The following ZNF804B variants were observed in gnomAD, a reference collection of about 807,000 sequenced individuals.
The protein encoded by ZNF804B is zinc finger 804B.
In ZNF804B, 80 loss-of-function variants were observed where a neutral mutation model predicts 101.4. The observed-to-expected ratio is 0.79, with a 90% CI of 0.66 to 0.95. ZNF804B has a LOEUF of 0.95. Among genes scored for constraint, ZNF804B ranks in the 40% least tolerant of loss-of-function variants. The pLI is 0.00. For missense variants in ZNF804B, 1,673 were observed against 1,561.9 expected (o/e 1.07, Z -1.20); for synonymous variants, 622 against 558.8 (o/e 1.11, Z -1.59).
At chr7:89,050,009 C>T (rs1789170379) in intron 1 of ZNF804B, among the ~76,000 whole-genome samples, 1 of 152,016 alleles carries the variant, frequency 6.6e-6, no homozygotes, top group African/African-American at 2.4e-5. Flanking sequence ...AAAACTCTGT[C>T]TCAAAACAAA....
At chr7:88,853,527 A>C (rs988893475) in intron 1 of ZNF804B, among the ~76,000 whole-genome samples, 1 of 152,134 alleles carries the variant, frequency 6.6e-6, no homozygotes, top group African/African-American at 2.4e-5. Flanking sequence ...TTATGCTAAC[A>C]TTGATTTTTC....
chr7:88,925,617 C>T (rs1205781671), intron 1 of ZNF804B, among the ~76,000 whole-genome samples: 1 of 152,026 alleles, frequency 6.6e-6, no homozygotes, highest in East Asian at 1.9e-4. Context: ...ATGAAGAATA[C>T]TAGGATATTA....
intron 2 of ZNF804B, among the ~76,000 whole-genome samples, chr7:89,274,905 C>G (rs369840813): frequency 4.0e-5 from 6 of 151,846 alleles, no homozygotes; most frequent in African/African-American, 1.5e-4. Context: ...TTCTTGGGCT[C>G]AAGCCATGGT....
intron 1 of ZNF804B, among the ~76,000 whole-genome samples, chr7:88,874,850 A>T (rs1343782366): frequency 6.6e-6 from 1 of 150,502 alleles, no homozygotes; most frequent in Non-Finnish European, 1.5e-5. Context: ...AATCAACAGA[A>T]TATACATTTT....
At position 88,796,370 on chromosome 7, in the gene ZNF804B, T is replaced by C. The variant is rs568087835; in HGVS notation, c.108+36286T>C. Among the ~76,000 whole-genome samples the C allele has an allele frequency of 2.6e-5, 4 of 152,262 alleles. No individual in the cohort carries two copies. In the East Asian group the frequency reaches 5.8e-4, roughly 22 times the overall value. ...AGGTGACTTAATAATTAATTAATTG[T>C]GTAATACATAAAAATGGACTATTCT... is the stretch of plus-strand genomic sequence containing the variant. On this transcript the variant is annotated intron_variant, in intron 1 of 3. Transcript: ENST00000333190.
At chr7:88,988,750 A>G (rs575889475) in intron 1 of ZNF804B, among the ~76,000 whole-genome samples, 1 of 152,290 alleles carries the variant, frequency 6.6e-6, no homozygotes, top group East Asian at 1.9e-4. Flanking sequence ...GATGAAGAAG[A>G]GTATCTCTAT....
At chr7:89,277,741 A>T (rs1208858) in intron 2 of ZNF804B, among the ~76,000 whole-genome samples, 1 of 151,104 alleles carries the variant, frequency 6.6e-6, no homozygotes, top group East Asian at 2.0e-4. Flanking sequence ...TCTTAATCCC[A>T]TCTATCATTT....
chr7:88,818,300 G>T (rs114802810), intron 1 of ZNF804B, among the ~76,000 whole-genome samples: 1 of 152,004 alleles, frequency 6.6e-6, no homozygotes, highest in Non-Finnish European at 1.5e-5. Flanking sequence ...CAAAAATCTC[G>T]AGTTGGCATA....
chr7:88,790,557 A>T (rs183314237), intron 1 of ZNF804B, among the ~76,000 whole-genome samples: 1 of 152,230 alleles, frequency 6.6e-6, no homozygotes, highest in East Asian at 1.9e-4. Context: ...TCTGCTAAGG[A>T]TAATGCCCTC....
intron 2 of ZNF804B, among the ~76,000 whole-genome samples, chr7:89,294,715 G>T (rs1790351932): frequency 6.6e-6 from 1 of 150,434 alleles, no homozygotes; most frequent in South Asian, 2.1e-4. Context: ...AAAATTTTAG[G>T]GCCTTAGTTT....
At chr7:89,000,788 ATGT>A (rs3060260) in intron 1 of ZNF804B, among the ~76,000 whole-genome samples, 76,954 of 150,400 alleles carry the variant, frequency 0.51, 20,568 homozygotes, top group Middle Eastern at 0.63. Context: ...CATTTCACTC[ATGT>A]TGTTGCAAAT....
Position 88,857,822 on chromosome 7 carries a change from C to CTTTTTTTTTTTTTTTT in ZNF804B, c.108+97752_108+97767dup. Among the ~76,000 whole-genome samples, 145 of 81,474 alleles carry CTTTTTTTTTTTTTTTT rather than the reference C, an allele frequency of 1.8e-3. 29 individuals carry two copies. Among genetic ancestry groups the CTTTTTTTTTTTTTTTT allele is most frequent in the African/African-American group, 6.5e-3 (123 of 18,870 alleles). The allele number at this position is 81,474 out of a possible 152,430, so 53.5% of individuals were successfully genotyped here. The stretch of plus-strand genomic sequence containing the variant: ...CTTTCTTTCTCCTTTCCTTTCTTTT[C>CTTTTTTTTTTTTTTTT]TTTTTTTTTTTTTTTTTTTTTTTTT... On this transcript the variant is annotated intron_variant, in intron 1 of 3. Coordinates refer to ENST00000333190, the MANE Select transcript of ZNF804B (RefSeq NM_181646.5).
intron 1 of ZNF804B, among the ~76,000 whole-genome samples, chr7:88,919,555 C>G (rs1207517243): frequency 6.6e-6 from 1 of 152,070 alleles, no homozygotes; most frequent in African/African-American, 2.4e-5. Context: ...CTATACATGT[C>G]AGGAGAATGA....
At chr7:89,185,963 C>T (rs1699990618) in intron 1 of ZNF804B, among the ~76,000 whole-genome samples, 1 of 151,894 alleles carries the variant, frequency 6.6e-6, no homozygotes, top group Non-Finnish European at 1.5e-5. Context: ...CTGTGGAAGT[C>T]ATGTAGAATA....
At chr7:89,196,582 G>T (rs908206717) in intron 1 of ZNF804B, among the ~76,000 whole-genome samples, 16 of 151,964 alleles carry the variant, frequency 1.1e-4, no homozygotes, top group East Asian at 7.8e-4. Flanking sequence ...TTTCATGAGA[G>T]AGATGCCAAA....
intron 1 of ZNF804B, among the ~76,000 whole-genome samples, chr7:88,783,422 C>A (rs1018074230): frequency 1.3e-5 from 2 of 152,132 alleles, no homozygotes; most frequent in Non-Finnish European, 2.9e-5. Flanking sequence ...CTACATGCTT[C>A]ATTTTCCTCA....
At chr7:88,797,410 G>T (rs73198658) in intron 1 of ZNF804B, among the ~76,000 whole-genome samples, 4,247 of 152,216 alleles carry the variant, frequency 0.028, 79 homozygotes, top group Non-Finnish European at 0.043. Flanking sequence ...AAGTTAAAAA[G>T]ATTCTCATTT....
At chr7:89,031,695 T>G (rs1050173755) in intron 1 of ZNF804B, among the ~76,000 whole-genome samples, 1 of 151,408 alleles carries the variant, frequency 6.6e-6, no homozygotes, top group African/African-American at 2.4e-5. Flanking sequence ...CAGCGAAAGA[T>G]TTGAATAACT....
intron 1 of ZNF804B, among the ~76,000 whole-genome samples, chr7:89,055,447 C>T (rs1303291831): frequency 6.6e-6 from 1 of 151,940 alleles, no homozygotes; most frequent in Non-Finnish European, 1.5e-5. Flanking sequence ...AGAATGAGCA[C>T]CGGGATTGGG....
Sources: allele counts gnomAD v4.1 joint callset (sites outside exome capture counted in the v4.1 genomes callset), GRCh38; gene constraint gnomAD v4.1.1; transcripts MANE v1.5; gene names NCBI Gene and HGNC (gene_info 2026-07-23, HGNC 2026-07-21).